The following LRPPRC variants were observed in gnomAD, a reference collection of about 807,000 sequenced individuals.
LRPPRC encodes leucine rich pentatricopeptide repeat containing.
A neutral mutation model predicts 180.3 loss-of-function variants in LRPPRC; 120 were observed. The observed-to-expected ratio is 0.67, with a 90% confidence interval of 0.57 to 0.77. LRPPRC has a LOEUF of 0.77. LRPPRC is among the 30% of genes least tolerant of loss of function. LRPPRC has a pLI of 0.00. For synonymous variants in LRPPRC, 723 were observed against 600.0 expected, an observed-to-expected ratio of 1.21 and a Z score of -3.00; for missense variants, 2,012 against 1,657.2, an observed-to-expected ratio of 1.21 and a Z score of -3.72.
At chr2:43,984,330 T>C (rs972414903) in intron 1 of LRPPRC, among the ~76,000 whole-genome samples, 2 of 152,158 alleles carry the variant, frequency 1.3e-5, no homozygotes, top group African/African-American at 4.8e-5. Flanking sequence ...GATAAACTGT[T>C]AAAGAGCAAA....
intron 27 of LRPPRC, 85 bp from the exon 28 acceptor site, chr2:43,918,483 T>A: frequency 9.5e-7 from 1 of 1,048,586 alleles, no homozygotes; most frequent in Non-Finnish European, 1.4e-6. Context: ...TCTTATTTGA[T>A]GTTGAAGAAA....
At chr2:43,944,450 G>A (rs1160770886) in intron 22 of LRPPRC, among the ~76,000 whole-genome samples, 1 of 152,034 alleles carries the variant, frequency 6.6e-6, no homozygotes, top group Admixed American at 6.6e-5. Flanking sequence ...TTAGGATATG[G>A]AATAAGTGCA....
chr2:43,948,073 T>A (rs1337239571), intron 18 of LRPPRC, 49 bp downstream of exon 18: 2 of 1,197,704 alleles, frequency 1.7e-6, no homozygotes, highest in African/African-American at 3.0e-5. Flanking sequence ...AACATGCTGT[T>A]ATATGTAAGT....
chr2:43,951,467 G>GTATCCCGGACCCATCTGGCA (rs1340788967), intron 14 of LRPPRC, among the ~76,000 whole-genome samples: 2 of 152,194 alleles, frequency 1.3e-5, no homozygotes, highest in East Asian at 3.9e-4. Flanking sequence ...TTCCTTTGCT[G>GTATCCCGGACCCATCTGGCA]TATCCCGGAC....
intron 23 of LRPPRC, among the ~76,000 whole-genome samples, chr2:43,938,094 A>G (rs547131723): frequency 5.3e-5 from 8 of 152,148 alleles, no homozygotes; most frequent in Non-Finnish European, 1.2e-4. Flanking sequence ...ACATACAAAT[A>G]TTTAAAGGCT....
chr2:43,940,812 T>C (rs1672451387), intron 23 of LRPPRC, among the ~76,000 whole-genome samples: 1 of 152,220 alleles, frequency 6.6e-6, no homozygotes, highest in Non-Finnish European at 1.5e-5. Flanking sequence ...TTTTAACCTA[T>C]TTTAAAGCAT....
At chr2:43,911,382 C>T (rs1286921917) in intron 30 of LRPPRC, among the ~76,000 whole-genome samples, 3 of 152,050 alleles carry the variant, frequency 2.0e-5, no homozygotes. Context: ...ACTTTAGCAA[C>T]ACTAGGACAC....
Position 43,976,377 on chromosome 2 carries a change from C to T in LRPPRC, c.651-148G>A, listed in dbSNP as rs1572569600. 3 of 630,850 alleles carry T rather than the reference C, an allele frequency of 4.8e-6. No homozygotes were observed. In the East Asian group the frequency reaches 8.2e-5, roughly 17 times the overall value. 39.1% of individuals were successfully genotyped at this position (630,850 alleles called of 1,614,324 possible). A position where few individuals can be genotyped will look rare whatever the true frequency, so the allele number is the denominator to read the frequency against. ...TAGAAACCACAAAGAAAGAACTAAT[C>T]CCTTTGATCCCCTTCCCACAAAACC... On this transcript the variant is annotated intron_variant, in intron 5 of 37. Transcript: ENST00000260665.
rs369488408 is a variant in LRPPRC, at chr2:43,973,916, C to T, written c.1156-16G>A. The T allele has an allele frequency of 7.5e-6, 11 of 1,468,246 alleles. No individual in the cohort carries two copies. The highest frequency in any genetic ancestry group is 1.1e-5 in the Non-Finnish European group (11 of 1,047,586). The allele number at this position is 1,468,246 out of a possible 1,614,324, so 91.0% of individuals were successfully genotyped here. A position where few individuals can be genotyped will look rare whatever the true frequency, so the allele number is the denominator to read the frequency against. Reference sequence around the variant, plus strand: ...TCTCCACAGGCTGTGGGAAAAAAGTCACCACATTAGCTGGATTGGCAAACA... The same window carrying T: ...TCTCCACAGGCTGTGGGAAAAAAGTTACCACATTAGCTGGATTGGCAAACA... On this transcript the variant is annotated splice_polypyrimidine_tract_variant and intron_variant, in intron 9 of 37. Transcript: ENST00000260665.
At chr2:43,895,727 C>T (rs1027004192) in intron 35 of LRPPRC, among the ~76,000 whole-genome samples, 2 of 152,278 alleles carry the variant, frequency 1.3e-5, no homozygotes, top group East Asian at 3.9e-4. Context: ...AAACTGGACA[C>T]AGCCTAAATG....
At chr2:43,909,807 A>G (rs1671194017) in intron 30 of LRPPRC, among the ~76,000 whole-genome samples, 1 of 152,048 alleles carries the variant, frequency 6.6e-6, no homozygotes, top group African/African-American at 2.4e-5. Context: ...AAGGCTTCAT[A>G]AAGATCTAGA....
chr2:43,938,405 T>C (rs1259237254), intron 23 of LRPPRC, among the ~76,000 whole-genome samples: 1 of 152,120 alleles, frequency 6.6e-6, no homozygotes, highest in Non-Finnish European at 1.5e-5. Flanking sequence ...TAAGAACATA[T>C]ATATGAGATA....
At chr2:43,979,228 T>A (rs1674193809) in intron 3 of LRPPRC, among the ~76,000 whole-genome samples, 1 of 152,142 alleles carries the variant, frequency 6.6e-6, no homozygotes, top group African/African-American at 2.4e-5. Flanking sequence ...TATTTTAATA[T>A]TGTATACACA....
At chr2:43,934,484 G>A (rs1672201925) in intron 24 of LRPPRC, among the ~76,000 whole-genome samples, 188 bp from the exon 25 acceptor site, 1 of 151,798 alleles carries the variant, frequency 6.6e-6, no homozygotes, top group South Asian at 2.1e-4. Flanking sequence ...AACTAGTGAG[G>A]ATAAGGGTAA....
intron 35 of LRPPRC, among the ~76,000 whole-genome samples, chr2:43,895,547 C>G (rs562383233): frequency 2.0e-5 from 3 of 152,068 alleles, no homozygotes; most frequent in African/African-American, 7.2e-5. Flanking sequence ...TTTAATCACA[C>G]GTATAAAAAC....
In LRPPRC at chr2:43,975,163, C is replaced by T. The variant is rs1282922275; in HGVS notation, c.792G>A (p.Glu264=). The change falls in exon 7 of 38, where the codon GAG becomes GAA. Residue 264 remains glutamate (E), a synonymous_variant. Transcript: ENST00000260665. ...ILTVMRDAGI[E]PGPDTYLALL... ...ATGCGAGGTATGTGTCTGGACCAGG[C>T]TCAATTCCGGCATCTCTCATCACTG... 5 of 1,613,530 alleles carry T rather than the reference C, an allele frequency of 3.1e-6. No individual in the cohort carries two copies. Among genetic ancestry groups the T allele is most frequent in the Middle Eastern group, 1.7e-4 (1 of 6,058 alleles).
At chr2:43,982,186 G>C (rs1000474392) in intron 2 of LRPPRC, 52 bp downstream of exon 2, 4 of 1,316,150 alleles carry the variant, frequency 3.0e-6, no homozygotes, top group Non-Finnish European at 4.2e-6. Context: ...ACAGGCCTGA[G>C]CCACTGTGAC....
intron 25 of LRPPRC, among the ~76,000 whole-genome samples, chr2:43,927,697 T>A (rs1671938056): frequency 6.6e-6 from 1 of 152,200 alleles, no homozygotes; most frequent in Non-Finnish European, 1.5e-5. Flanking sequence ...ATGCCAACAA[T>A]CTAAACAGCA....
chr2:43,973,014 T>C (rs1673886742), intron 11 of LRPPRC, among the ~76,000 whole-genome samples: 1 of 152,224 alleles, frequency 6.6e-6, no homozygotes, highest in East Asian at 1.9e-4. Flanking sequence ...TTCTTATTCA[T>C]ATCCTATAGA....
Sources: allele counts gnomAD v4.1 joint callset (sites outside exome capture counted in the v4.1 genomes callset), GRCh38; gene constraint gnomAD v4.1.1; transcripts MANE v1.5; gene names NCBI Gene and HGNC (gene_info 2026-07-23, HGNC 2026-07-21).